CDC42BPB: variants seen among roughly 807,000 people sequenced by gnomAD.
CDC42BPB encodes serine/threonine-protein kinase MRCK beta.
A neutral mutation model predicts 214.9 loss-of-function variants in CDC42BPB; 37 were observed. That is an observed-to-expected ratio of 0.17 (90% CI 0.13 to 0.23). The LOEUF is 0.23. CDC42BPB is among the 10% of genes least tolerant of loss of function. CDC42BPB has a pLI of 1.00. For synonymous variants in CDC42BPB, 931 were observed against 884.0 expected (o/e 1.05, Z -0.94); for missense variants, 1,694 against 2,227.0 (o/e 0.76, Z 4.82).
chr14:102,970,627 T>A (rs1388113376), intron 13 of CDC42BPB, among the ~76,000 whole-genome samples: 1 of 152,136 alleles, frequency 6.6e-6, no homozygotes, highest in South Asian at 2.1e-4. Context: ...ACGAGCAGAA[T>A]AGCGAACACA....
chr14:103,033,598 T>A (rs906479991), intron 1 of CDC42BPB, among the ~76,000 whole-genome samples: 1 of 152,170 alleles, frequency 6.6e-6, no homozygotes, highest in Non-Finnish European at 1.5e-5. Flanking sequence ...ATATTACCAA[T>A]TACTATCACT....
chr14:102,998,283 AAAAG>A (rs2139588520), intron 5 of CDC42BPB, among the ~76,000 whole-genome samples: 1 of 152,332 alleles, frequency 6.6e-6, no homozygotes, highest in East Asian at 1.9e-4. Context: ...GCCAAAAAAG[AAAAG>A]AAAGAAATTA....
chr14:103,056,654 C>T (rs1232746715), intron 1 of CDC42BPB, among the ~76,000 whole-genome samples: 22 of 145,770 alleles, frequency 1.5e-4, no homozygotes, highest in Admixed American at 4.1e-4. Flanking sequence ...TAGGAAGCCG[C>T]CAGGGCGAGG....
chr14:102,966,751 C>T (rs183737693), intron 17 of CDC42BPB, among the ~76,000 whole-genome samples: 29 of 152,372 alleles, frequency 1.9e-4, no homozygotes, highest in Middle Eastern at 3.4e-3. Context: ...AGTCTCCCTG[C>T]TGCTTCTGCA....
intron 1 of CDC42BPB, among the ~76,000 whole-genome samples, chr14:103,014,645 C>T (rs1886354122): frequency 1.3e-5 from 2 of 152,074 alleles, no homozygotes; most frequent in African/African-American, 2.4e-5. Context: ...CACTGAGGTT[C>T]GATCACCACA....
chr14:103,054,995 G>T (rs549224676), intron 1 of CDC42BPB, among the ~76,000 whole-genome samples: 1 of 152,392 alleles, frequency 6.6e-6, no homozygotes, highest in Non-Finnish European at 1.5e-5. Context: ...CAGGCCAGAG[G>T]CCAGTGGGAC....
chr14:102,952,079 G>A (rs1173487592), intron 24 of CDC42BPB, among the ~76,000 whole-genome samples: 2 of 152,168 alleles, frequency 1.3e-5, no homozygotes, highest in Non-Finnish European at 2.9e-5. Context: ...TGGGTGCAGT[G>A]GCTCATGCCT....
At chr14:102,962,241 C>T (rs569077121) in intron 20 of CDC42BPB, among the ~76,000 whole-genome samples, 6 of 152,332 alleles carry the variant, frequency 3.9e-5, no homozygotes, top group South Asian at 2.1e-4. Context: ...GAGGCCTGTC[C>T]GTCAGCATGC....
Position 102,932,408 on chromosome 14 carries a change from T to TTGAC in CDC42BPB, c.*1300_*1303dup, listed in dbSNP as rs1404715497. On this transcript the variant is annotated 3_prime_UTR_variant, in exon 37 of 37. Coordinates refer to ENST00000361246, the MANE Select transcript of CDC42BPB (RefSeq NM_006035.4). ...TTTAAAACTGCCGTCTTCTGCTTTATTGACAGGTAAATTGTTCAAAAATGT... is the reference window on the plus strand; with the variant it reads ...TTTAAAACTGCCGTCTTCTGCTTTATTGACTGACAGGTAAATTGTTCAAAAATGT... 6.6e-6 allele frequency: 1 copy of TTGAC among 152,296 alleles called. No homozygotes were observed. Among genetic ancestry groups the TTGAC allele is most frequent in the Non-Finnish European group, 1.5e-5 (1 of 68,036 alleles). 9.4% of individuals were successfully genotyped at this position (152,296 alleles called of 1,614,324 possible).
At chr14:102,947,011 C>T (rs1411757394) in intron 27 of CDC42BPB, among the ~76,000 whole-genome samples, 1 of 152,116 alleles carries the variant, frequency 6.6e-6, no homozygotes, top group Non-Finnish European at 1.5e-5. Context: ...GAAAATGTGT[C>T]CAGGAAAAGC....
Position 102,940,029 on chromosome 14 carries a change from T to A in CDC42BPB, c.4591+17A>T. The A allele has an allele frequency of 6.2e-7, 1 of 1,613,794 alleles. No homozygotes were observed. The highest frequency in any genetic ancestry group is 2.2e-5 in the East Asian group (1 of 44,856). ...CAACTTCCCTTCCCTCCACTCCCGG[T>A]GCAGAGGAAGGCTCACCCGAGAACT... On this transcript the variant is annotated intron_variant, in intron 32 of 36. Transcript: ENST00000361246.
rs1277405490 is a variant in CDC42BPB, at chr14:102,972,258, C to T, written c.1642-97G>A. 5.2e-6 allele frequency: 8 copies of T among 1,548,652 alleles called. No homozygotes were observed. The East Asian group carries it at 1.4e-4, about 26-fold the overall frequency. On this transcript the variant is annotated intron_variant, in intron 12 of 36. Coordinates refer to ENST00000361246, the MANE Select transcript of CDC42BPB (RefSeq NM_006035.4). ...CATGATATTGAGGAGTTAAAAGCGA[C>T]AGCCAATGCTGGTTACAGATTAGAG...
chr14:103,053,499 C>A (rs562873297), intron 1 of CDC42BPB, among the ~76,000 whole-genome samples: 37 of 152,174 alleles, frequency 2.4e-4, no homozygotes, highest in South Asian at 1.2e-3. Flanking sequence ...CGGTGGCTCA[C>A]ACCTGTAATC....
intron 6 of CDC42BPB, among the ~76,000 whole-genome samples, chr14:102,984,666 G>A (rs540516627): frequency 3.9e-4 from 59 of 152,132 alleles, no homozygotes; most frequent in African/African-American, 1.3e-3. Flanking sequence ...CAGAGAGAAC[G>A]ATGGAGAGTA....
chr14:102,979,929 T>C (rs894337650), intron 8 of CDC42BPB, among the ~76,000 whole-genome samples: 5 of 152,218 alleles, frequency 3.3e-5, no homozygotes, highest in African/African-American at 1.2e-4. Context: ...TAAACATCAG[T>C]GCGGAGACTC....
At chr14:102,967,012 G>A (rs758753826) in intron 17 of CDC42BPB, 34 bp downstream of exon 17, 44 of 1,604,990 alleles carry the variant, frequency 2.7e-5, no homozygotes, top group Middle Eastern at 2.1e-4. Context: ...AGCAGGGAGC[G>A]GATTCACGGC....
chr14:103,053,727 A>T (rs1203148941), intron 1 of CDC42BPB, among the ~76,000 whole-genome samples: 1 of 149,506 alleles, frequency 6.7e-6, no homozygotes, highest in Non-Finnish European at 1.5e-5. Context: ...CCGCCACTGC[A>T]CTCCAGCCTG....
In CDC42BPB at chr14:102,949,847, C is replaced by G. The variant is rs1039611600; in HGVS notation, c.3367G>C (p.Asp1123His). 2 of 1,613,690 alleles carry G rather than the reference C, an allele frequency of 1.2e-6. No individual in the cohort carries two copies. Among genetic ancestry groups the G allele is most frequent in the Admixed American group, 1.7e-5 (1 of 60,032 alleles). ...AGATCATACAGGAAGAGCTTGCAGT[C>G]ACAGACGACTGCATATGCGCGCTGC... ...GWQRAYAVVC[D>H]CKLFLYDLPE... Residue 1123 changes from aspartate (D) to histidine (H), a missense_variant, in exon 26 of 37, where the codon GAC (aspartate) becomes CAC (histidine). Coordinates refer to ENST00000361246, the MANE Select transcript of CDC42BPB (RefSeq NM_006035.4).
chr14:102,976,237 GGCCCT>G, intron 9 of CDC42BPB, 188 bp from the exon 10 acceptor site: 1 of 984,912 alleles, frequency 1.0e-6, no homozygotes, highest in Non-Finnish European at 1.2e-6. Context: ...CACTGACAAG[GGCCCT>G]CCCCATCGCT....
Sources: allele counts gnomAD v4.1 joint callset (sites outside exome capture counted in the v4.1 genomes callset), GRCh38; gene constraint gnomAD v4.1.1; transcripts MANE v1.5; gene names NCBI Gene and HGNC (gene_info 2026-07-23, HGNC 2026-07-21).